Variants in ARB2A observed in about 807,000 individuals in gnomAD.
The protein encoded by ARB2A is cotranscriptional regulator ARB2A.
At chr5:93,824,488 TA>T in the ARB2A span, among the ~76,000 whole-genome samples, 16 of 151,782 alleles carry the variant, frequency 1.1e-4, no homozygotes, top group South Asian at 1.7e-3. Flanking sequence ...AGATAAAAAT[TA>T]AAAAAAACAC....
At chr5:93,646,842 T>A in the ARB2A span, among the ~76,000 whole-genome samples, 1 of 147,884 alleles carries the variant, frequency 6.8e-6, no homozygotes, top group African/African-American at 2.7e-5. Flanking sequence ...ATTTTATTTT[T>A]AAAATAATTT....
At chr5:93,974,430 A>G in the ARB2A span, among the ~76,000 whole-genome samples, 5 of 152,202 alleles carry the variant, frequency 3.3e-5, no homozygotes, top group African/African-American at 1.2e-4. Flanking sequence ...CCAACATTGG[A>G]GCACCCAAAT....
chr5:94,076,991 C>G, the ARB2A span, among the ~76,000 whole-genome samples: 1 of 152,104 alleles, frequency 6.6e-6, no homozygotes, highest in Non-Finnish European at 1.5e-5. Flanking sequence ...TTTCAAGATT[C>G]TGAAGATTAA....
chr5:93,974,547 G>A, the ARB2A span, among the ~76,000 whole-genome samples: 1 of 152,066 alleles, frequency 6.6e-6, no homozygotes, highest in African/African-American at 2.4e-5. Flanking sequence ...CATCAAGGCA[G>A]AAAACAAACA....
chr5:94,068,421 G>A, the ARB2A span, among the ~76,000 whole-genome samples: 18 of 152,284 alleles, frequency 1.2e-4, no homozygotes, highest in Non-Finnish European at 2.1e-4. Flanking sequence ...GATGGGGAGC[G>A]AAAGCTCAGC....
the ARB2A span, among the ~76,000 whole-genome samples, chr5:93,747,225 C>T: frequency 4.6e-5 from 7 of 152,106 alleles, no homozygotes; most frequent in African/African-American, 1.7e-4. Context: ...TTTCTGTTTA[C>T]AGCAGATAAC....
chr5:93,841,832 C>T, the ARB2A span, among the ~76,000 whole-genome samples: 2 of 152,118 alleles, frequency 1.3e-5, no homozygotes, highest in African/African-American at 4.8e-5. Context: ...GCGAGTGTTG[C>T]TTATGTATCT....
chr5:93,919,268 T>C, the ARB2A span, among the ~76,000 whole-genome samples: 16,080 of 152,136 alleles, frequency 0.11, 982 homozygotes, highest in Middle Eastern at 0.16. Context: ...TCAAAACTTT[T>C]ATAAAGATTT....
At chr5:93,923,496 C>T in the ARB2A span, among the ~76,000 whole-genome samples, 1 of 152,074 alleles carries the variant, frequency 6.6e-6, no homozygotes, top group Admixed American at 6.6e-5. Flanking sequence ...TTCCAAATAA[C>T]TTTTTAAAAG....
chr5:93,914,464 T>C, the ARB2A span, among the ~76,000 whole-genome samples: 1 of 151,948 alleles, frequency 6.6e-6, no homozygotes, highest in Non-Finnish European at 1.5e-5. Context: ...TCAAAATAAA[T>C]TGTTTTTGTG....
At chr5:93,878,243 G>A in the ARB2A span, among the ~76,000 whole-genome samples, 1 of 150,504 alleles carries the variant, frequency 6.6e-6, no homozygotes, top group African/African-American at 2.4e-5. Context: ...TGTAGTGAGG[G>A]GTTTTAATCC....
chr5:93,954,364 C>T, the ARB2A span, among the ~76,000 whole-genome samples: 2 of 151,872 alleles, frequency 1.3e-5, no homozygotes, highest in African/African-American at 4.8e-5. Flanking sequence ...GGGTCCTTCC[C>T]TCCAAGGCAG....
the ARB2A span, among the ~76,000 whole-genome samples, chr5:93,777,087 GA>G: frequency 0.013 from 1,869 of 148,312 alleles, 46 homozygotes; most frequent in African/African-American, 0.044. Context: ...CTGCTTTAAT[GA>G]AGGCTGTATC....
the ARB2A span, among the ~76,000 whole-genome samples, chr5:93,974,888 G>A: frequency 1.3e-5 from 2 of 152,030 alleles, no homozygotes; most frequent in African/African-American, 4.8e-5. Flanking sequence ...ATGACTTCTG[G>A]ATAAACAATG....
the ARB2A span, among the ~76,000 whole-genome samples, chr5:94,005,709 T>C: frequency 6.6e-6 from 1 of 152,154 alleles, no homozygotes; most frequent in Non-Finnish European, 1.5e-5. Flanking sequence ...ACAATTCCAT[T>C]AGAAAACAGC....
the ARB2A span, among the ~76,000 whole-genome samples, chr5:93,996,200 C>T: frequency 1.1e-4 from 16 of 151,796 alleles, no homozygotes; most frequent in African/African-American, 3.9e-4. Context: ...TGTATGTCTA[C>T]CTAAATATAT....
At chr5:93,898,442 C>G in the ARB2A span, among the ~76,000 whole-genome samples, 556 of 152,070 alleles carry the variant, frequency 3.7e-3, 6 homozygotes, top group African/African-American at 0.013. Flanking sequence ...GTTTGATGTA[C>G]TCTTACCCCT....
At chr5:93,634,259 G>A in the ARB2A span, among the ~76,000 whole-genome samples, 1 of 151,884 alleles carries the variant, frequency 6.6e-6, no homozygotes, top group African/African-American at 2.4e-5. Context: ...AATTAGCTGG[G>A]CGTGGTGGTG....
the ARB2A span, among the ~76,000 whole-genome samples, chr5:93,970,968 A>G: frequency 3.3e-5 from 5 of 152,116 alleles, no homozygotes; most frequent in Non-Finnish European, 5.9e-5. Context: ...TACTATATTG[A>G]AAGTTTAAAA....
Sources: allele counts gnomAD v4.1 joint callset (sites outside exome capture counted in the v4.1 genomes callset), GRCh38; gene constraint gnomAD v4.1.1; transcripts MANE v1.5; gene names NCBI Gene and HGNC (gene_info 2026-07-23, HGNC 2026-07-21).